The following TPTE variants were observed in gnomAD, a reference collection of about 807,000 sequenced individuals.
TPTE encodes the protein putative tyrosine-protein phosphatase TPTE.
Under a neutral mutation model 84.1 loss-of-function variants are expected in TPTE, and 59 were observed. The ratio of observed to expected loss-of-function variants is 0.70; its 90% confidence interval spans 0.57 to 0.87. The LOEUF is 0.87. Among genes scored for constraint, TPTE ranks in the 40% least tolerant of loss-of-function variants. TPTE has a pLI of 0.00. For missense variants in TPTE, 382 were observed against 659.6 expected (o/e 0.58, Z 4.61); for synonymous variants, 130 against 223.5 (o/e 0.58, Z 3.73).
At chr21:10,539,538 C>T (rs530539992) in intron 4 of TPTE, among the ~76,000 whole-genome samples, 13 of 152,414 alleles carry the variant, frequency 8.5e-5, no homozygotes, top group African/African-American at 3.1e-4. Flanking sequence ...AAAAGGCTGT[C>T]TGTCGTGCAT....
At chr21:10,566,431 T>C (rs945851097) in intron 10 of TPTE, among the ~76,000 whole-genome samples, 2 of 152,420 alleles carry the variant, frequency 1.3e-5, no homozygotes, top group African/African-American at 2.4e-5. Flanking sequence ...GTAGAACCAA[T>C]TGGAGAACAG....
intron 10 of TPTE, among the ~76,000 whole-genome samples, chr21:10,566,655 A>G (rs2074927615): frequency 6.6e-6 from 1 of 152,304 alleles, no homozygotes; most frequent in East Asian, 1.9e-4. Context: ...ACATATACAC[A>G]AGAGAGTATT....
At chr21:10,558,862 G>C (rs2074735500) in intron 8 of TPTE, among the ~76,000 whole-genome samples, 1 of 152,296 alleles carries the variant, frequency 6.6e-6, no homozygotes, top group Non-Finnish European at 1.5e-5. Context: ...GTAAAATGAG[G>C]CATTATTGGA....
In TPTE at chr21:10,605,630, A is replaced by G. The variant is rs1601001094; in HGVS notation, c.*78A>G. The G allele has an allele frequency of 6.3e-7, 1 of 1,598,524 alleles. No homozygotes were observed. Among genetic ancestry groups the G allele is most frequent in the East Asian group, 2.2e-5 (1 of 44,722 alleles). ...CCACATGTTCATATATCCTAAATCT[A>G]TCCTAAATGTTCCTTGAAGTATTTA... On this transcript the variant is annotated 3_prime_UTR_variant, in exon 24 of 24. Transcript: ENST00000618007.
chr21:10,560,865 T>A (rs1368791825), intron 9 of TPTE, among the ~76,000 whole-genome samples, 165 bp from the exon 10 acceptor site: 3 of 152,312 alleles, frequency 2.0e-5, no homozygotes, highest in Admixed American at 1.3e-4. Context: ...ACAGTGATTT[T>A]TCTGAGATTC....
intron 17 of TPTE, among the ~76,000 whole-genome samples, chr21:10,578,955 TA>T (rs1241670748): frequency 1.2e-3 from 182 of 151,782 alleles, no homozygotes; most frequent in African/African-American, 4.3e-3. Context: ...TACTGTTATT[TA>T]AGGCTGATCT....
rs1183421286 is a variant in TPTE, at chr21:10,598,066, T to C, written c.1328T>C (p.Phe443Ser). The change falls in exon 21 of 24, where the codon TTT (phenylalanine) becomes TCT (serine). Residue 443 changes from phenylalanine (F) to serine (S), a missense_variant. Physicochemically the swap from Phe to Ser is radical, Grantham distance 155 (BLOSUM62 -2). Transcript: ENST00000618007. The stretch of plus-strand genomic sequence containing the variant: ...ATAGAAATGGAGAAAAAGGTTGTCT[T>C]TTCCACTATTTCATTAGGAAAATGT... ...IQIEMEKKVVFSTISLGKCSV... is the reference protein window; with the variant it reads ...IQIEMEKKVVSSTISLGKCSV... 6.2e-7 allele frequency: 1 copy of C among 1,613,820 alleles called. No homozygotes were observed. Among genetic ancestry groups the C allele is most frequent in the East Asian group, 2.2e-5 (1 of 44,858 alleles).
chr21:10,536,868 G>T (rs364274), intron 3 of TPTE, among the ~76,000 whole-genome samples: 1 of 152,138 alleles, frequency 6.6e-6, no homozygotes, highest in Non-Finnish European at 1.5e-5. Context: ...AGTGGACCAA[G>T]GGAAGAAAAC....
intron 4 of TPTE, among the ~76,000 whole-genome samples, chr21:10,539,348 T>C: frequency 6.6e-6 from 1 of 152,424 alleles, no homozygotes; most frequent in Non-Finnish European, 1.5e-5. Flanking sequence ...GCACACCACC[T>C]CATTGGATGC....
chr21:10,564,152 C>G (rs1420625414), intron 10 of TPTE, among the ~76,000 whole-genome samples: 1 of 152,262 alleles, frequency 6.6e-6, no homozygotes, highest in African/African-American at 2.4e-5. Context: ...GACTCCAGCT[C>G]AAAAATAAAT....
chr21:10,581,274 T>C (rs2075266625), intron 17 of TPTE, among the ~76,000 whole-genome samples: 2 of 152,310 alleles, frequency 1.3e-5, no homozygotes, highest in African/African-American at 2.4e-5. Flanking sequence ...CATCTTTTGC[T>C]TTAAAAATGG....
intron 13 of TPTE, among the ~76,000 whole-genome samples, chr21:10,569,987 AT>A (rs1348204729): frequency 1.3e-5 from 2 of 152,428 alleles, no homozygotes; most frequent in Admixed American, 6.5e-5. Flanking sequence ...AGCTGACTCC[AT>A]TTGAGTTTCA....
chr21:10,526,564 G>A (rs1467562359), intron 2 of TPTE, among the ~76,000 whole-genome samples: 1 of 152,304 alleles, frequency 6.6e-6, no homozygotes, highest in Non-Finnish European at 1.5e-5. Flanking sequence ...TATGTGATCA[G>A]TTTCTTAAAC....
chr21:10,565,692 AAC>A (rs2145689789), intron 10 of TPTE, among the ~76,000 whole-genome samples: 1 of 152,428 alleles, frequency 6.6e-6, no homozygotes, highest in African/African-American at 2.4e-5. Flanking sequence ...AGAACCCAGA[AAC>A]AAATCCACAC....
intron 9 of TPTE, among the ~76,000 whole-genome samples, chr21:10,560,698 T>A (rs568405504): frequency 3.3e-5 from 5 of 152,428 alleles, no homozygotes; most frequent in African/African-American, 1.2e-4. Context: ...TCTTATGAAA[T>A]TCGCAAATTT....
intron 14 of TPTE, chr21:10,576,253 AC>A (rs2075146994): frequency 5.2e-6 from 1 of 190,856 alleles, no homozygotes; most frequent in African/African-American, 2.4e-5. Context: ...CTGAGCGGGA[AC>A]CTTTGTAGTG....
chr21:10,556,509 G>A (rs570238750), intron 8 of TPTE, among the ~76,000 whole-genome samples: 292 of 152,330 alleles, frequency 1.9e-3, no homozygotes, highest in African/African-American at 6.7e-3. Context: ...ACATACGTGT[G>A]CATGTGTCTT....
At chr21:10,574,772 T>A (rs210508) in intron 14 of TPTE, among the ~76,000 whole-genome samples, 1 of 151,536 alleles carries the variant, frequency 6.6e-6, no homozygotes, top group African/African-American at 2.4e-5. Context: ...GTTTCTCTCA[T>A]GGATCTTTGC....
chr21:10,586,971 T>G (rs2075378084), intron 17 of TPTE, among the ~76,000 whole-genome samples: 1 of 152,310 alleles, frequency 6.6e-6, no homozygotes, highest in African/African-American at 2.4e-5. Flanking sequence ...GTAGGTATTT[T>G]GGTAGATTCT....
Sources: allele counts gnomAD v4.1 joint callset (sites outside exome capture counted in the v4.1 genomes callset), GRCh38; gene constraint gnomAD v4.1.1; transcripts MANE v1.5; gene names NCBI Gene and HGNC (gene_info 2026-07-23, HGNC 2026-07-21).